PHRF1: variants seen among roughly 807,000 people sequenced by gnomAD.
PHRF1 encodes PHD and RING finger domain-containing protein 1.
Under a neutral mutation model 128.9 loss-of-function variants are expected in PHRF1, and 53 were observed. The observed-to-expected ratio is 0.41, with a 90% confidence interval of 0.33 to 0.52. The LOEUF (loss-of-function observed/expected upper bound fraction) is 0.52, where lower values mean the gene tolerates loss of function less well. Among genes scored for constraint, PHRF1 ranks in the 20% least tolerant of loss-of-function variants. PHRF1 has a pLI of 0.21. For missense variants in PHRF1, 2,503 were observed against 2,284.5 expected (o/e 1.10, Z -1.95); for synonymous variants, 1,178 against 980.6 (o/e 1.20, Z -3.76).
At chr11:581,715 A>T in intron 2 of PHRF1, 109 bp downstream of exon 2, 1 of 1,159,740 alleles carries the variant, frequency 8.6e-7, no homozygotes, top group Non-Finnish European at 1.2e-6. Flanking sequence ...AGTCTAAAAA[A>T]ATTATGCTTT....
chr11:581,393 G>C (rs1854192609), intron 1 of PHRF1, 99 bp from the exon 2 acceptor site: 1 of 956,808 alleles, frequency 1.0e-6, no homozygotes, highest in South Asian at 1.6e-5. Context: ...CGGTGGATGT[G>C]ACACGGGGAT....
At chr11:610,401 GCCACACACA>G in intron 15 of PHRF1, 54 bp downstream of exon 15, 1 of 1,537,254 alleles carries the variant, frequency 6.5e-7, no homozygotes, top group South Asian at 1.2e-5. Context: ...TGGCACCCGT[GCCACACACA>G]CCACACTAGG....
Position 595,080 on chromosome 11 carries a change from C to T in PHRF1, c.621-1843C>T, listed in dbSNP as rs1811272412. 3.9e-5 allele frequency among the ~76,000 whole-genome samples: 6 copies of T among 152,178 alleles called. No homozygotes were observed. In the South Asian group the frequency reaches 1.2e-3, roughly 31 times the overall value. On this transcript the variant is annotated intron_variant, in intron 6 of 17. Transcript: ENST00000264555. ...AGTTCCTCATGTCAAAATGGAATCACAGTAGGCCGAGGCGGGTGGATCACC... is the reference window on the plus strand; with the variant it reads ...AGTTCCTCATGTCAAAATGGAATCATAGTAGGCCGAGGCGGGTGGATCACC...
chr11:606,637 G>A, intron 13 of PHRF1, 41 bp downstream of exon 13: 2 of 1,562,500 alleles, frequency 1.3e-6, no homozygotes, highest in Non-Finnish European at 8.7e-7. Flanking sequence ...TCTGTGGGCT[G>A]CTGGTCCTCA....
rs775895093 is a variant in PHRF1 at position 608,360 on chromosome 11, G to A, written c.2904G>A (p.Pro968=). 32 of 1,610,278 alleles carry A rather than the reference G, an allele frequency of 2.0e-5. No individual in the cohort carries two copies. The highest frequency in any genetic ancestry group is 1.3e-4 in the East Asian group (6 of 44,820). The part of the protein sequence containing the change: ...RTVTCVTVVE[P]EAPPSPDVLQ... ...TGACCTGTGTGACTGTCGTGGAGCC[G>A]GAAGCCCCACCCAGCCCGGACGTGC... Residue 968 remains proline, a synonymous_variant, in exon 14 of 18, where the codon CCG becomes CCA. Transcript: ENST00000264555.
At chr11:588,027 G>C (rs1404502175) in intron 4 of PHRF1, among the ~76,000 whole-genome samples, 1 of 152,184 alleles carries the variant, frequency 6.6e-6, no homozygotes, top group Non-Finnish European at 1.5e-5. Flanking sequence ...AGAGCTTGCA[G>C]TCTGAGGATG....
In PHRF1 at chr11:608,776, GGAA is replaced by G. The variant is rs770568028; in HGVS notation, c.3330_3332del (p.Lys1111del). On this transcript the variant is annotated inframe_deletion, in exon 14 of 18. Transcript: ENST00000264555. ...TCTTCCTATGAGCACTATGAGAGTA[GGAA>G]GAAGAAGAAAAGGAGATCAGCGTCC... 53 of 1,611,734 alleles carry G rather than the reference GGAA, an allele frequency of 3.3e-5. No individual in the cohort carries two copies. The highest frequency in any genetic ancestry group is 6.7e-5 in the East Asian group (3 of 44,886).
At chr11:606,348 T>A (rs1855936912) in intron 12 of PHRF1, 94 bp from the exon 13 acceptor site, 2 of 1,421,898 alleles carry the variant, frequency 1.4e-6, no homozygotes, top group Non-Finnish European at 1.8e-6. Context: ...AGCCCCACTC[T>A]CCCTGGCTCC....
At chr11:594,827 A>C (rs1253564378) in intron 6 of PHRF1, among the ~76,000 whole-genome samples, 3 of 152,210 alleles carry the variant, frequency 2.0e-5, no homozygotes, top group Non-Finnish European at 2.9e-5. Flanking sequence ...TTTTTATTAT[A>C]AATTACATTT....
Position 607,987 on chromosome 11 carries a change from G to A in PHRF1, c.2531G>A (p.Gly844Asp). ...DPTGSDSSAPGSSPERSGPGL... is the reference protein window; with the variant it reads ...DPTGSDSSAPDSSPERSGPGL... ...ACCGGCTCCGACTCCAGCGCCCCTG[G>A]CAGCAGCCCCGAGAGGTCTGGCCCC... Residue 844 changes from glycine to aspartate, a missense_variant, in exon 14 of 18, where the codon GGC (glycine) becomes GAC (aspartate). Gly to Asp is a moderately conservative substitution (Grantham distance 94). Transcript: ENST00000264555. 1 of 1,611,458 alleles carries A rather than the reference G, an allele frequency of 6.2e-7. No homozygotes were observed. The highest frequency in any genetic ancestry group is 1.1e-5 in the South Asian group (1 of 91,076).
chr11:606,617 G>A (rs1404918294), intron 13 of PHRF1, 21 bp downstream of exon 13: 21 of 1,581,496 alleles, frequency 1.3e-5, no homozygotes, highest in South Asian at 2.2e-5. Context: ...TCCCTGCCAC[G>A]GCCCCTTCCT....
chr11:586,230 G>C (rs973873410), intron 3 of PHRF1, among the ~76,000 whole-genome samples: 1 of 151,872 alleles, frequency 6.6e-6, no homozygotes, highest in Admixed American at 6.6e-5. Flanking sequence ...CTGACCTCGT[G>C]ATCTGCCCAC....
chr11:591,864 A>G (rs911017075), intron 5 of PHRF1, among the ~76,000 whole-genome samples: 1 of 151,308 alleles, frequency 6.6e-6, no homozygotes, highest in Non-Finnish European at 1.5e-5. Context: ...CTCATGCCTC[A>G]GCCTCCTGAG....
Position 605,667 on chromosome 11 carries a change from G to T in PHRF1, c.1397G>T (p.Arg466Leu). The T allele has an allele frequency of 6.2e-7, 1 of 1,613,414 alleles. No homozygotes were observed. Among genetic ancestry groups the T allele is most frequent in the Non-Finnish European group, 8.5e-7 (1 of 1,179,868 alleles). The change falls in exon 12 of 18, where the codon CGG (arginine) becomes CTG (leucine). Residue 466 changes from arginine (R) to leucine (L), a missense_variant. Arg to Leu is a moderately radical substitution (Grantham distance 102, BLOSUM62 -2). Coordinates refer to ENST00000264555, the MANE Select transcript of PHRF1 (RefSeq NM_001286581.2). Reference sequence around the variant, plus strand: ...AGTGCCAAGAGACGGGCTCTGTCCCGGTCAGCCCTGCAGTCCCACCAGCCC... The same window carrying T: ...AGTGCCAAGAGACGGGCTCTGTCCCTGTCAGCCCTGCAGTCCCACCAGCCC... ...PLSAKRRALSRSALQSHQPVA... is the reference protein window; with the variant it reads ...PLSAKRRALSLSALQSHQPVA...
intron 3 of PHRF1, 42 bp downstream of exon 3, chr11:582,123 TGTC>T (rs1328186202): frequency 3.9e-6 from 6 of 1,555,496 alleles, no homozygotes; most frequent in Admixed American, 2.0e-5. Flanking sequence ...TGTTTCCTCT[TGTC>T]GTGATGGGGA....
Position 587,260 on chromosome 11 carries a change from T to C in PHRF1, c.216T>C (p.Gly72=). ...CCAGCTGGCATGTTTCCTCTCCAGG[T>C]TCCGAGGATTCTGAAGACGACGGGG... ...SEEEDLEDRS[G]SEDSEDDGET... Residue 72 remains glycine, a splice_region_variant and synonymous_variant, in exon 4 of 18, where the codon GGT becomes GGC. Coordinates refer to ENST00000264555, the MANE Select transcript of PHRF1 (RefSeq NM_001286581.2). The C allele has an allele frequency of 6.2e-7, 1 of 1,613,068 alleles. No homozygotes were observed. The highest frequency in any genetic ancestry group is 8.5e-7 in the Non-Finnish European group (1 of 1,179,766).
Position 607,717 on chromosome 11 carries a change from G to C in PHRF1, c.2261G>C (p.Ser754Thr). ...GGCAGCTCCCGGCCCCCAGCCCCCA[G>C]CTCCCATGGCAGTTTGGCCCCACTG... ...HTGSSRPPAP[S>T]SHGSLAPLGP... The change falls in exon 14 of 18, where the codon AGC (serine) becomes ACC (threonine). Residue 754 changes from serine to threonine, a missense_variant. Coordinates refer to ENST00000264555, the MANE Select transcript of PHRF1 (RefSeq NM_001286581.2). 1 of 1,611,630 alleles carries C rather than the reference G, an allele frequency of 6.2e-7. No homozygotes were observed. Among genetic ancestry groups the C allele is most frequent in the South Asian group, 1.1e-5 (1 of 91,044 alleles).
Position 607,852 on chromosome 11 carries a change from C to G in PHRF1, c.2396C>G (p.Thr799Arg). The change falls in exon 14 of 18, where the codon ACG (threonine) becomes AGG (arginine). Residue 799 changes from threonine to arginine, a missense_variant. Physicochemically the swap from Thr to Arg is moderately conservative, Grantham distance 71. Transcript: ENST00000264555. ...CTCTCCAGCCCTGGCTTCTGTAACA[C>G]GTTCCGGCCTGTGGACGATAAGGAG... is the stretch of plus-strand genomic sequence containing the variant. ...SQLSSPGFCN[T>R]FRPVDDKEQR... 1 of 1,612,812 alleles carries G rather than the reference C, an allele frequency of 6.2e-7. No individual in the cohort carries two copies. Among genetic ancestry groups the G allele is most frequent in the Non-Finnish European group, 8.5e-7 (1 of 1,179,886 alleles).
At chr11:602,036 A>T (rs1426270863) in intron 10 of PHRF1, among the ~76,000 whole-genome samples, 1 of 152,168 alleles carries the variant, frequency 6.6e-6, no homozygotes, top group Non-Finnish European at 1.5e-5. Context: ...CCTCTGGCAG[A>T]GGCCCCCAGG....
Sources: gnomAD v4.1 joint callset for allele counts (sites outside exome capture counted in the v4.1 genomes callset) on GRCh38, gnomAD v4.1.1 for gene constraint, MANE v1.5 for transcripts, NCBI Gene and HGNC (gene_info 2026-07-23, HGNC 2026-07-21) for gene names.